The following ZMYM1 variants were observed in gnomAD, a reference collection of about 807,000 sequenced individuals.
The protein encoded by ZMYM1 is zinc finger MYM-type protein 1.
In ZMYM1, 39 loss-of-function variants were observed where a neutral mutation model predicts 60.0. The ratio of observed to expected loss-of-function variants is 0.65; its 90% CI spans 0.50 to 0.85. The LOEUF is 0.85. ZMYM1 is among the 40% of genes least tolerant of loss of function. The pLI is 0.00. For synonymous variants in ZMYM1, 413 were observed against 454.0 expected (o/e 0.91, Z 1.15); for missense variants, 1,171 against 1,309.5 (o/e 0.89, Z 1.63).
At position 35,094,031 on chromosome 1, in the gene ZMYM1, C is replaced by T. The variant is rs778596692; in HGVS notation, c.44C>T (p.Ala15Val). 1.9e-6 allele frequency: 3 copies of T among 1,611,060 alleles called. No individual in the cohort carries two copies. Among genetic ancestry groups the T allele is most frequent in the East Asian group, 2.2e-5 (1 of 44,662 alleles). The change falls in exon 2 of 10, where the codon GCA becomes GTA. Residue 15 changes from alanine (A) to valine (V), a missense_variant. By Grantham distance (64) the Ala-to-Val change is moderately conservative. Coordinates refer to ENST00000359858, the MANE Select transcript of ZMYM1 (RefSeq NM_024772.5). ...GGTGGTGAGTGTGACAAGGCAGTGG[C>T]ATCACAGCTGGGGCTGCTAGATGAA... ...LLGGECDKAV[A>V]SQLGLLDEIK...
chr1:35,103,427 T>C lies in ZMYM1; in HGVS notation c.420-868T>C, dbSNP rs142437577. 2.7e-4 allele frequency among the ~76,000 whole-genome samples: 41 copies of C among 152,336 alleles called. No homozygotes were observed. The East Asian group carries it at 6.9e-3, about 26-fold the overall frequency. On this transcript the variant is annotated intron_variant, in intron 4 of 9. Transcript: ENST00000359858. The stretch of plus-strand genomic sequence containing the variant: ...CAGTGACTTTTTGTGTCTGGTTCTT[T>C]CCCTTAGCATAATATTTTCAAGGTT...
chr1:35,090,839 G>A (rs1430871620), intron 1 of ZMYM1, among the ~76,000 whole-genome samples: 1 of 152,004 alleles, frequency 6.6e-6, no homozygotes, highest in Non-Finnish European at 1.5e-5. Context: ...CCAGCTACTC[G>A]GGAGGCTGAG....
intron 4 of ZMYM1, among the ~76,000 whole-genome samples, chr1:35,098,928 C>T (rs1643487959): frequency 2.6e-5 from 4 of 152,164 alleles, no homozygotes; most frequent in Admixed American, 2.6e-4. Context: ...CTTACCCAGA[C>T]CTGCTGATTC....
chr1:35,113,034 C>T lies in ZMYM1; in HGVS notation c.1204C>T (p.Gln402Ter). The change falls in exon 10 of 10, where the codon CAG becomes TAG. Residue 402 changes from glutamine to a stop codon, truncating the protein, a stop_gained. Coordinates refer to ENST00000359858, the MANE Select transcript of ZMYM1 (RefSeq NM_024772.5). LOFTEE classifies it low-confidence loss of function (END_TRUNC). Reference sequence around the variant, plus strand: ...TGCTGTTGCTAGTAGTAGTACGGAACAGCCAAGCGTTTCACCATCTTCATC... The same window carrying T: ...TGCTGTTGCTAGTAGTAGTACGGAATAGCCAAGCGTTTCACCATCTTCATC... The part of the protein sequence containing the change: ...SNAVASSSTE[Q>*]PSVSPSSSVF... 6.2e-7 allele frequency: 1 copy of T among 1,613,178 alleles called. No individual in the cohort carries two copies. The highest frequency in any genetic ancestry group is 8.5e-7 in the Non-Finnish European group (1 of 1,179,654).
intron 1 of ZMYM1, among the ~76,000 whole-genome samples, chr1:35,068,040 G>A (rs776915827): frequency 7.9e-5 from 12 of 151,914 alleles, no homozygotes; most frequent in Non-Finnish European, 1.5e-4. Flanking sequence ...TCCCTGCTTG[G>A]CCTCCCAAAG....
intron 1 of ZMYM1, among the ~76,000 whole-genome samples, chr1:35,067,854 G>A (rs888998247): frequency 6.6e-6 from 1 of 151,406 alleles, no homozygotes; most frequent in East Asian, 2.0e-4. Context: ...CAGTCTAGGC[G>A]ACAAGAGCAA....
chr1:35,092,967 G>C (rs1157760987), intron 1 of ZMYM1, among the ~76,000 whole-genome samples: 1 of 152,112 alleles, frequency 6.6e-6, no homozygotes, highest in African/African-American at 2.4e-5. Context: ...AGATCATAGA[G>C]CAGGCAAGGA....
intron 6 of ZMYM1, among the ~76,000 whole-genome samples, chr1:35,110,017 G>A (rs1009737823): frequency 6.6e-6 from 1 of 152,002 alleles, no homozygotes; most frequent in African/African-American, 2.4e-5. Flanking sequence ...CAAAGTGCTG[G>A]GATTACATGC....
chr1:35,063,435 G>A (rs1014175792), intron 1 of ZMYM1, among the ~76,000 whole-genome samples: 10 of 152,076 alleles, frequency 6.6e-5, no homozygotes, highest in African/African-American at 1.9e-4. Context: ...AGCCTCCCGA[G>A]TATCTGGGAC....
Position 35,096,680 on chromosome 1 carries a change from C to T in ZMYM1, c.170-637C>T, listed in dbSNP as rs576866921. Among the ~76,000 whole-genome samples, 7 of 152,104 alleles carry T rather than the reference C, an allele frequency of 4.6e-5. No homozygotes were observed. In the East Asian group the frequency reaches 7.8e-4, roughly 17 times the overall value. ...TCCCAAGTAACTAGGATCACAGGCC[C>T]GTGCCACCACACCCAGATAATTTTG... On this transcript the variant is annotated intron_variant, in intron 3 of 9. Coordinates refer to ENST00000359858, the MANE Select transcript of ZMYM1 (RefSeq NM_024772.5).
At chr1:35,061,820 T>TTTTTTTTATTTATTTATTTA (rs372684642) in intron 1 of ZMYM1, among the ~76,000 whole-genome samples, 6,384 of 145,520 alleles carry the variant, frequency 0.044, 334 homozygotes, top group East Asian at 0.27. Flanking sequence ...TCCCTTTTAT[T>TTTTTTTTATTTATTTATTTA]TTTATTTATT....
chr1:35,088,316 G>A (rs1358368820), intron 1 of ZMYM1, among the ~76,000 whole-genome samples: 1 of 151,354 alleles, frequency 6.6e-6, no homozygotes, highest in Admixed American at 6.6e-5. Flanking sequence ...TACACAGGAT[G>A]CTCAGGCAGG....
intron 1 of ZMYM1, among the ~76,000 whole-genome samples, chr1:35,087,647 C>T (rs1021608586): frequency 2.0e-5 from 3 of 151,986 alleles, no homozygotes; most frequent in African/African-American, 7.2e-5. Flanking sequence ...AGGCTGGTCT[C>T]GAACTCCCAA....
intron 6 of ZMYM1, among the ~76,000 whole-genome samples, chr1:35,108,559 G>C (rs1274061976): frequency 6.6e-6 from 1 of 151,864 alleles, no homozygotes; most frequent in East Asian, 1.9e-4. Context: ...CACCATGTTG[G>C]CCAGGCTGGT....
At chr1:35,088,430 A>ATG (rs1316041262) in intron 1 of ZMYM1, among the ~76,000 whole-genome samples, 117 of 64,960 alleles carry the variant, frequency 1.8e-3, no homozygotes, top group African/African-American at 3.8e-3. Flanking sequence ...AAATGTGTTT[A>ATG]TGTGTATATA....
At chr1:35,064,304 A>C (rs934597037) in intron 1 of ZMYM1, among the ~76,000 whole-genome samples, 6 of 149,152 alleles carry the variant, frequency 4.0e-5, no homozygotes, top group South Asian at 2.1e-4. Flanking sequence ...AAAAAAAAAA[A>C]AAAAAAAAAC....
In ZMYM1 at chr1:35,110,496, ATAT is replaced by A. The variant is rs765960501; in HGVS notation, c.961+54_961+56del. The A allele has an allele frequency of 3.4e-5, 43 of 1,264,964 alleles. No homozygotes were observed. In the East Asian group the frequency reaches 3.5e-4, roughly 10 times the overall value. 78.4% of individuals were successfully genotyped at this position (1,264,964 alleles called of 1,614,324 possible). On this transcript the variant is annotated intron_variant, in intron 7 of 9. Transcript: ENST00000359858. ...GGGGTTTAGTAATTATTAATAAATAATATTATTTGACTTTAATTTATAACCTTG... is the reference window on the plus strand; with the variant it reads ...GGGGTTTAGTAATTATTAATAAATAATATTTGACTTTAATTTATAACCTTG...
chr1:35,112,204 G>C (rs1570040063), intron 9 of ZMYM1, 74 bp downstream of exon 9: 1 of 1,486,928 alleles, frequency 6.7e-7, no homozygotes, highest in Non-Finnish European at 9.4e-7. Flanking sequence ...TTGAGACAGA[G>C]TCTCGCTCTG....
At chr1:35,068,431 A>G (rs1642011679) in intron 1 of ZMYM1, among the ~76,000 whole-genome samples, 2 of 150,396 alleles carry the variant, frequency 1.3e-5, no homozygotes, top group South Asian at 2.1e-4. Context: ...AAAAAAAAAA[A>G]AAAGAAAAGA....
Sources: allele counts gnomAD v4.1 joint callset (sites outside exome capture counted in the v4.1 genomes callset), GRCh38; gene constraint gnomAD v4.1.1; transcripts MANE v1.5; gene names NCBI Gene and HGNC (gene_info 2026-07-23, HGNC 2026-07-21).